The following ZNF546 variants were observed in gnomAD, a reference collection of about 807,000 sequenced individuals.
ZNF546 encodes the protein CTC-471F3.6.
Under a neutral mutation model 76.2 loss-of-function variants are expected in ZNF546, and 60 were observed. That is an observed-to-expected ratio of 0.79 (90% confidence interval 0.64 to 0.98). ZNF546 has a LOEUF of 0.98. Among genes scored for constraint, ZNF546 ranks in the 50% least tolerant of loss-of-function variants. The pLI is 0.00. For missense variants in ZNF546, 936 were observed against 1,035.6 expected, an observed-to-expected ratio of 0.90 and a Z score of 1.32; for synonymous variants, 277 against 328.1, an observed-to-expected ratio of 0.84 and a Z score of 1.68.
At chr19:40,007,483 A>C (rs904147370) in intron 5 of ZNF546, 83 bp downstream of exon 5, 23 of 1,349,266 alleles carry the variant, frequency 1.7e-5, no homozygotes, top group Non-Finnish European at 2.2e-5. Context: ...ACTCTGTTTT[A>C]AGAGGCTGAC....
At chr19:40,001,356 A>C (rs1204653785) in intron 3 of ZNF546, among the ~76,000 whole-genome samples, 1 of 148,892 alleles carries the variant, frequency 6.7e-6, no homozygotes, top group Non-Finnish European at 1.5e-5. Context: ...CAAGAACAAA[A>C]GAGGATATTT....
chr19:39,998,519 A>C, intron 3 of ZNF546, 109 bp downstream of exon 3: 1 of 944,698 alleles, frequency 1.1e-6, no homozygotes. Flanking sequence ...CAAAGACCTC[A>C]GTTTTAAAAT....
chr19:40,009,068 A>C (rs1196398497), intron 6 of ZNF546, among the ~76,000 whole-genome samples: 1 of 152,232 alleles, frequency 6.6e-6, no homozygotes, highest in Non-Finnish European at 1.5e-5. Context: ...TGTGTTGTGA[A>C]GAAAGTTAAG....
chr19:40,019,036 A>G lies in ZNF546; in HGVS notation c.*3255A>G, dbSNP rs759604166. ...CCAGGTTTCTCTGTTGTAGAGCTAA[A>G]TATTTCTTTTAATTTAGTAAACGAT... On this transcript the variant is annotated 3_prime_UTR_variant, in exon 7 of 7. Coordinates refer to ENST00000347077, the MANE Select transcript of ZNF546 (RefSeq NM_178544.5). 6.6e-6 allele frequency: 1 copy of G among 152,236 alleles called. No individual in the cohort carries two copies. The highest frequency in any genetic ancestry group is 1.5e-5 in the Non-Finnish European group (1 of 68,048). The allele number at this position is 152,236 out of a possible 1,614,324, so 9.4% of individuals were successfully genotyped here. A position where few individuals can be genotyped will look rare whatever the true frequency, so the allele number is the denominator to read the frequency against.
chr19:40,003,033 C>CT lies in ZNF546; in HGVS notation c.85-3043dup, dbSNP rs577843773. ...TAATTTTATTTAAAATTTGATTTAA[C>CT]TTTTTTTTTTTTTTTTTTTTGAGAC... On this transcript the variant is annotated intron_variant, in intron 3 of 6. Coordinates refer to ENST00000347077, the MANE Select transcript of ZNF546 (RefSeq NM_178544.5). 9.8e-3 allele frequency among the ~76,000 whole-genome samples: 1,039 copies of CT among 106,316 alleles called. 11 individuals carry two copies. The highest frequency in any genetic ancestry group is 0.014 in the Admixed American group (129 of 9,182). The allele number at this position is 106,316 out of a possible 152,430, so 69.7% of individuals were successfully genotyped here.
In ZNF546 at chr19:40,014,209, T is replaced by TA. The variant is rs769961611; in HGVS notation, c.940dup (p.Arg314LysfsTer4). On this transcript the variant is annotated frameshift_variant, in exon 7 of 7. Transcript: ENST00000347077. LOFTEE classifies it high-confidence loss of function. ...AATGTGGGAAAGCCTTTAGTCGTGT[T>TA]AGAGACCTTAGAGTACATCAGACAA... The TA allele has an allele frequency of 5.6e-6, 9 of 1,610,978 alleles. No individual in the cohort carries two copies. Among genetic ancestry groups the TA allele is most frequent in the South Asian group, 4.4e-5 (4 of 90,864 alleles).
At chr19:40,005,747 G>A (rs1031427050) in intron 3 of ZNF546, among the ~76,000 whole-genome samples, 1 of 151,830 alleles carries the variant, frequency 6.6e-6, no homozygotes, top group Admixed American at 6.6e-5. Context: ...TCAGAACACA[G>A]CTCTGCCTCT....
intron 6 of ZNF546, among the ~76,000 whole-genome samples, chr19:40,011,586 C>T (rs1181376300): frequency 6.6e-6 from 1 of 152,088 alleles, no homozygotes; most frequent in African/African-American, 2.4e-5. Flanking sequence ...CAAACTCTTC[C>T]AGAAACTTTA....
chr19:40,009,318 C>A (rs1277092436), intron 6 of ZNF546, among the ~76,000 whole-genome samples: 1 of 152,128 alleles, frequency 6.6e-6, no homozygotes, highest in Non-Finnish European at 1.5e-5. Flanking sequence ...CATTCTTGTA[C>A]AATTGTTTTT....
chr19:40,003,199 C>T (rs1468133615), intron 3 of ZNF546, among the ~76,000 whole-genome samples: 2 of 151,848 alleles, frequency 1.3e-5, no homozygotes, highest in African/African-American at 2.4e-5. Flanking sequence ...CCACGCCTGG[C>T]TAATTTTTTT....
chr19:40,006,995 G>A (rs1285511729), intron 4 of ZNF546, among the ~76,000 whole-genome samples: 1 of 152,186 alleles, frequency 6.6e-6, no homozygotes, highest in Non-Finnish European at 1.5e-5. Flanking sequence ...TTGAAGGGAA[G>A]AGAGGATGAT....
rs979918162 is a variant in ZNF546, at chr19:40,015,925, G to A, written c.*144G>A. On this transcript the variant is annotated 3_prime_UTR_variant, in exon 7 of 7. Transcript: ENST00000347077. ...AAATTATTTCGTATGTTAAAGAGTC[G>A]AAAGACTATAGCATCACTCAGTCCC... 6.3e-5 allele frequency: 48 copies of A among 760,782 alleles called. No homozygotes were observed. The highest frequency in any genetic ancestry group is 7.6e-5 in the Non-Finnish European group (35 of 458,962). 47.1% of individuals were successfully genotyped at this position (760,782 alleles called of 1,614,324 possible). A position where few individuals can be genotyped will look rare whatever the true frequency, so the allele number is the denominator to read the frequency against.
rs1406524576 is a variant in ZNF546, at chr19:40,013,897, A to G, written c.627A>G (p.Lys209=). The G allele has an allele frequency of 6.2e-7, 1 of 1,606,990 alleles. No individual in the cohort carries two copies. The highest frequency in any genetic ancestry group is 8.5e-7 in the Non-Finnish European group (1 of 1,176,196). Residue 209 remains lysine (K), a synonymous_variant, in exon 7 of 7, where the codon AAA becomes AAG. Coordinates refer to ENST00000347077, the MANE Select transcript of ZNF546 (RefSeq NM_178544.5). ...QKQISHPLHP[K]IHAREKSYEC... ...AAATATCTCATCCTCTACATCCAAA[A>G]ATTCATGCTAGAGAGAAATCATATG...
chr19:40,002,208 A>C (rs183504), intron 3 of ZNF546, among the ~76,000 whole-genome samples: 2 of 152,304 alleles, frequency 1.3e-5, no homozygotes, highest in South Asian at 4.1e-4. Context: ...TTAGTGTGCC[A>C]TCATAACTGA....
At chr19:40,005,974 T>C (rs1000019536) in intron 3 of ZNF546, 122 bp from the exon 4 acceptor site, 1 of 850,800 alleles carries the variant, frequency 1.2e-6, no homozygotes, top group Non-Finnish European at 1.9e-6. Context: ...TTCCCCAGTT[T>C]ATATGCGCAG....
In ZNF546 at chr19:40,013,903, T is replaced by G; in HGVS notation, c.633T>G (p.His211Gln). 6.2e-7 allele frequency: 1 copy of G among 1,607,866 alleles called. No individual in the cohort carries two copies. The highest frequency in any genetic ancestry group is 8.5e-7 in the Non-Finnish European group (1 of 1,176,826). The change falls in exon 7 of 7, where the codon CAT becomes CAG. Residue 211 changes from histidine to glutamine, a missense_variant. Coordinates refer to ENST00000347077, the MANE Select transcript of ZNF546 (RefSeq NM_178544.5). ...QISHPLHPKIHAREKSYECKE... is the reference protein window; with the variant it reads ...QISHPLHPKIQAREKSYECKE... ...CTCATCCTCTACATCCAAAAATTCA[T>G]GCTAGAGAGAAATCATATGAATGTA...
Position 39,997,862 on chromosome 19 carries a change from G to A in ZNF546, c.-133G>A. 1 of 158,352 alleles carries A rather than the reference G, an allele frequency of 6.3e-6. No homozygotes were observed. The highest frequency in any genetic ancestry group is 6.1e-5 in the Admixed American group (1 of 16,318). 9.8% of individuals were successfully genotyped at this position (158,352 alleles called of 1,614,324 possible). On this transcript the variant is annotated splice_region_variant and 5_prime_UTR_variant, in exon 2 of 7. Coordinates refer to ENST00000347077, the MANE Select transcript of ZNF546 (RefSeq NM_178544.5). ...CCATTCTGCTATTCATCAAAACAGG[G>A]ATCCTGAAAAGGAGGGAACAATTGT...
intron 6 of ZNF546, among the ~76,000 whole-genome samples, chr19:40,010,351 C>T (rs1182745119): frequency 6.7e-6 from 1 of 150,046 alleles, no homozygotes; most frequent in East Asian, 2.0e-4. Context: ...TGCAGTGAGC[C>T]GAGATTGTGC....
At chr19:40,010,731 G>A (rs1971660234) in intron 6 of ZNF546, among the ~76,000 whole-genome samples, 1 of 152,100 alleles carries the variant, frequency 6.6e-6, no homozygotes, top group South Asian at 2.1e-4. Flanking sequence ...TGCCCAGGCT[G>A]GAATGCAGTG....
Sources: allele counts gnomAD v4.1 joint callset (sites outside exome capture counted in the v4.1 genomes callset), GRCh38; gene constraint gnomAD v4.1.1; transcripts MANE v1.5; gene names NCBI Gene and HGNC (gene_info 2026-07-23, HGNC 2026-07-21).